PPARGC1A: variants seen among roughly 807,000 people sequenced by gnomAD.
PPARGC1A encodes the protein PPARG coactivator 1 alpha.
Under a neutral mutation model 88.7 loss-of-function variants are expected in PPARGC1A, and 25 were observed. The observed-to-expected ratio is 0.28, with a 90% CI of 0.21 to 0.39. The LOEUF is 0.39. Ranked by LOEUF, PPARGC1A falls within the 10% of genes least tolerant of loss-of-function variation. PPARGC1A has a pLI of 1.00. For synonymous variants in PPARGC1A, 363 were observed against 355.6 expected, an observed-to-expected ratio of 1.02 and a Z score of -0.24; for missense variants, 880 against 968.7, an observed-to-expected ratio of 0.91 and a Z score of 1.22.
chr4:23,872,235 G>T (rs1350157212), intron 2 of PPARGC1A, among the ~76,000 whole-genome samples: 1 of 152,154 alleles, frequency 6.6e-6, no homozygotes, highest in Non-Finnish European at 1.5e-5. Context: ...CAGCACTCTG[G>T]TCAGGTCAGA....
chr4:24,221,334 A>T, the PPARGC1A span, among the ~76,000 whole-genome samples: 1 of 152,124 alleles, frequency 6.6e-6, no homozygotes, highest in African/African-American at 2.4e-5. Context: ...TGTTCATTTT[A>T]TTTAATCTTT....
chr4:23,921,450 T>C, the PPARGC1A span, among the ~76,000 whole-genome samples: 4 of 152,202 alleles, frequency 2.6e-5, no homozygotes, highest in South Asian at 2.1e-4. Flanking sequence ...GAGCCAGGCA[T>C]GGGATTCGGT....
the PPARGC1A span, among the ~76,000 whole-genome samples, chr4:24,313,548 T>G: frequency 1.3e-5 from 2 of 152,212 alleles, no homozygotes; most frequent in African/African-American, 4.8e-5. Flanking sequence ...TCAGTTTCTA[T>G]GGTAGACTGA....
chr4:23,861,298 A>T (rs1731189517), intron 2 of PPARGC1A, among the ~76,000 whole-genome samples: 1 of 152,254 alleles, frequency 6.6e-6, no homozygotes, highest in Non-Finnish European at 1.5e-5. Flanking sequence ...ACGTATCTGA[A>T]GATTTTGATA....
chr4:23,951,734 T>C, the PPARGC1A span, among the ~76,000 whole-genome samples: 1 of 152,138 alleles, frequency 6.6e-6, no homozygotes, highest in African/African-American at 2.4e-5. Flanking sequence ...ATTTATTGAC[T>C]TCAGTAATTT....
chr4:24,014,986 C>T, the PPARGC1A span, among the ~76,000 whole-genome samples: 2 of 152,096 alleles, frequency 1.3e-5, no homozygotes, highest in Non-Finnish European at 2.9e-5. Context: ...GATATTCTGT[C>T]GAGAGCAATG....
At chr4:24,400,822 T>C in the PPARGC1A span, among the ~76,000 whole-genome samples, 121 of 152,220 alleles carry the variant, frequency 7.9e-4, no homozygotes, top group African/African-American at 2.7e-3. Context: ...GTGATGATTT[T>C]TAAAAGCACC....
the PPARGC1A span, among the ~76,000 whole-genome samples, chr4:24,402,392 G>A: frequency 2.6e-5 from 4 of 152,320 alleles, no homozygotes; most frequent in African/African-American, 7.2e-5. Context: ...GGCAACAACA[G>A]CCGCCATTTA....
chr4:23,869,754 C>T (rs1393473727), intron 2 of PPARGC1A, among the ~76,000 whole-genome samples: 2 of 152,128 alleles, frequency 1.3e-5, no homozygotes, highest in East Asian at 3.9e-4. Context: ...GTGAGTTGTG[C>T]ATTGCTGGGG....
At chr4:24,281,628 A>T in the PPARGC1A span, among the ~76,000 whole-genome samples, 1 of 152,220 alleles carries the variant, frequency 6.6e-6, no homozygotes, top group Non-Finnish European at 1.5e-5. Context: ...GAAAACCGAA[A>T]TCATAACACT....
chr4:23,971,416 T>C, the PPARGC1A span, among the ~76,000 whole-genome samples: 1 of 152,194 alleles, frequency 6.6e-6, no homozygotes, highest in East Asian at 1.9e-4. Flanking sequence ...ACACAACTAA[T>C]AGGACAGAAA....
At chr4:23,805,496 T>C (rs936791667) in intron 10 of PPARGC1A, among the ~76,000 whole-genome samples, 2 of 152,182 alleles carry the variant, frequency 1.3e-5, no homozygotes, top group Non-Finnish European at 2.9e-5. Flanking sequence ...ATGTAGATTG[T>C]ATGTCTCAAT....
the PPARGC1A span, among the ~76,000 whole-genome samples, chr4:24,212,901 G>A: frequency 6.6e-6 from 1 of 152,110 alleles, no homozygotes; most frequent in African/African-American, 2.4e-5. Context: ...CTAAGAGCGT[G>A]GTCATTTCCA....
At chr4:24,028,380 C>T in the PPARGC1A span, among the ~76,000 whole-genome samples, 1 of 152,120 alleles carries the variant, frequency 6.6e-6, no homozygotes, top group Non-Finnish European at 1.5e-5. Context: ...ATCAAAGTGC[C>T]ACTTGGAATT....
the PPARGC1A span, among the ~76,000 whole-genome samples, chr4:24,428,648 CAGTACTT>C: frequency 6.6e-6 from 1 of 152,174 alleles, no homozygotes; most frequent in Non-Finnish European, 1.5e-5. Context: ...CACCCTTTGA[CAGTACTT>C]GGTCTTGTTG....
chr4:24,455,074 T>C, the PPARGC1A span, among the ~76,000 whole-genome samples: 1 of 152,184 alleles, frequency 6.6e-6, no homozygotes, highest in Non-Finnish European at 1.5e-5. Context: ...GTCATAGTAA[T>C]GTCTAAAAAA....
the PPARGC1A span, among the ~76,000 whole-genome samples, chr4:24,387,740 GAAAGAA>G: frequency 4.5e-5 from 3 of 66,834 alleles, no homozygotes; most frequent in East Asian, 1.1e-3. Flanking sequence ...CATCAAGAAA[GAAAGAA>G]AGAGAGAGAG....
At chr4:23,899,325 T>C (rs1373938752), upstream of PPARGC1A, 1 of 152,242 alleles carries the variant, frequency 6.6e-6, no homozygotes, top group East Asian at 1.9e-4. Flanking sequence ...CTCTATGACA[T>C]CATTCAATGT....
the PPARGC1A span, among the ~76,000 whole-genome samples, chr4:24,224,827 T>C: frequency 6.6e-6 from 1 of 152,104 alleles, no homozygotes; most frequent in Non-Finnish European, 1.5e-5. Context: ...GCCTGCAGTT[T>C]TAAATTGCGT....
Sources: allele counts gnomAD v4.1 joint callset (sites outside exome capture counted in the v4.1 genomes callset), GRCh38; gene constraint gnomAD v4.1.1; transcripts MANE v1.5; gene names NCBI Gene and HGNC (gene_info 2026-07-23, HGNC 2026-07-21).